Variants in HDAC2 observed in about 807,000 individuals in gnomAD.
HDAC2 encodes histone deacetylase 2, also known as YY1-associated factor 1.
Under a neutral mutation model 68.5 loss-of-function variants are expected in HDAC2, and 5 were observed. The observed-to-expected ratio is 0.07, with a 90% CI of 0.04 to 0.15. The LOEUF (loss-of-function observed/expected upper bound fraction) is 0.15. Ranked by LOEUF, HDAC2 falls within the 10% of genes least tolerant of loss-of-function variation. The pLI is 1.00. For synonymous variants in HDAC2, 182 were observed against 191.3 expected, an observed-to-expected ratio of 0.95 and a Z score of 0.40; for missense variants, 291 against 600.8, an observed-to-expected ratio of 0.48 and a Z score of 5.39.
intron 5 of HDAC2, among the ~76,000 whole-genome samples, chr6:113,954,598 C>A (rs1047695865): frequency 6.6e-5 from 10 of 152,184 alleles, no homozygotes; most frequent in Non-Finnish European, 1.3e-4. Context: ...GACACTGGAA[C>A]CAACATCAAC....
In HDAC2 at chr6:113,938,119, C is replaced by T. The variant is rs1318150341; in HGVS notation, c.*2939G>A. On this transcript the variant is annotated 3_prime_UTR_variant, in exon 14 of 14. Transcript: ENST00000519065. ...CCGAGATTGCGCCATTGCACACCAG[C>T]CTGGGCAACAGCGAGACTCCGTCTC... is the stretch of plus-strand genomic sequence containing the variant. The T allele has an allele frequency of 2.6e-5, 4 of 152,166 alleles. No homozygotes were observed. The highest frequency in any genetic ancestry group is 5.9e-5 in the Non-Finnish European group (4 of 68,064). 9.4% of individuals were successfully genotyped at this position (152,166 alleles called of 1,614,324 possible). A position where few individuals can be genotyped will look rare whatever the true frequency, so the allele number is the denominator to read the frequency against.
chr6:113,955,712 T>C (rs537187068), intron 5 of HDAC2, among the ~76,000 whole-genome samples: 4 of 152,116 alleles, frequency 2.6e-5, no homozygotes, highest in South Asian at 4.2e-4. Context: ...GGTTTTGCCA[T>C]GTTGCCTAGC....
At chr6:113,943,545 C>T in intron 11 of HDAC2, 39 bp from the exon 12 acceptor site, 1 of 1,537,558 alleles carries the variant, frequency 6.5e-7, no homozygotes, top group Admixed American at 2.0e-5. Flanking sequence ...CAAAAACAGT[C>T]ACAGGTTTTA....
Position 113,971,059 on chromosome 6 carries a change from AG to A in HDAC2, c.-152del, listed in dbSNP as rs1425308195. On this transcript the variant is annotated 5_prime_UTR_variant, in exon 1 of 14. Transcript: ENST00000519065. Reference sequence around the variant, plus strand: ...AAGGGCAGGCCGGTGGGAGGAGAGGAGGGGGCGCCGGGAAGGCTCGGTACCA... The same window carrying A: ...AAGGGCAGGCCGGTGGGAGGAGAGGAGGGGCGCCGGGAAGGCTCGGTACCA... The A allele has an allele frequency of 1.3e-6, 2 of 1,559,994 alleles. No homozygotes were observed. The highest frequency in any genetic ancestry group is 4.7e-5 in the East Asian group (2 of 42,268).
At chr6:113,965,484 T>G (rs1348538254) in intron 1 of HDAC2, among the ~76,000 whole-genome samples, 1 of 152,120 alleles carries the variant, frequency 6.6e-6, no homozygotes, top group Admixed American at 6.5e-5. Context: ...TTCTCCTGCC[T>G]CAGCCTCCCA....
chr6:113,960,085 T>C, intron 1 of HDAC2, 67 bp from the exon 2 acceptor site: 1 of 803,868 alleles, frequency 1.2e-6, no homozygotes, highest in Non-Finnish European at 2.2e-6. Context: ...TTTGAATTTA[T>C]GTATGTCTAT....
chr6:113,949,378 A>T, intron 6 of HDAC2, 118 bp from the exon 7 acceptor site: 1 of 660,610 alleles, frequency 1.5e-6, no homozygotes, highest in Non-Finnish European at 2.7e-6. Flanking sequence ...TTTTGAATTC[A>T]TCTTAGAAGT....
chr6:113,957,438 C>G (rs1185270822), intron 3 of HDAC2, among the ~76,000 whole-genome samples: 3 of 151,782 alleles, frequency 2.0e-5, no homozygotes, highest in East Asian at 3.9e-4. Flanking sequence ...GTCACAAGCA[C>G]TATAAGAAAT....
At chr6:113,950,600 T>C (rs975465421) in intron 6 of HDAC2, among the ~76,000 whole-genome samples, 1 of 150,346 alleles carries the variant, frequency 6.7e-6, no homozygotes, top group Non-Finnish European at 1.5e-5. Context: ...TTCACCATAT[T>C]GGTCAGGCTG....
rs1776097996 is a variant in HDAC2, at chr6:113,940,135, T to G, written c.*923A>C. Reference sequence around the variant, plus strand: ...AGCTCTGAGTGAAAGCATTTTTCCATTATATTCAGTTACACTCCTACAGTC... The same window carrying G: ...AGCTCTGAGTGAAAGCATTTTTCCAGTATATTCAGTTACACTCCTACAGTC... On this transcript the variant is annotated 3_prime_UTR_variant, in exon 14 of 14. Transcript: ENST00000519065. The G allele has an allele frequency of 6.6e-6, 1 of 152,186 alleles. No individual in the cohort carries two copies. The highest frequency in any genetic ancestry group is 2.4e-5 in the African/African-American group (1 of 41,444). The allele number at this position is 152,186 out of a possible 1,614,324, so 9.4% of individuals were successfully genotyped here. A position where few individuals can be genotyped will look rare whatever the true frequency, so the allele number is the denominator to read the frequency against.
chr6:113,937,932 G>T lies in HDAC2; in HGVS notation c.*3126C>A, dbSNP rs910371253. On this transcript the variant is annotated 3_prime_UTR_variant, in exon 14 of 14. Coordinates refer to ENST00000519065, the MANE Select transcript of HDAC2 (RefSeq NM_001527.4). ...GAAGGCCAAGGTGGGTGGATCATGA[G>T]GTCAGGAGTTCGAGGCCAGCCTGGC... 6.6e-6 allele frequency: 1 copy of T among 152,212 alleles called. No individual in the cohort carries two copies. The highest frequency in any genetic ancestry group is 2.4e-5 in the African/African-American group (1 of 41,450). The allele number at this position is 152,212 out of a possible 1,614,324, so 9.4% of individuals were successfully genotyped here.
At chr6:113,945,270 AG>A in intron 10 of HDAC2, 91 bp downstream of exon 10, 1 of 547,416 alleles carries the variant, frequency 1.8e-6, no homozygotes, top group Non-Finnish European at 3.3e-6. Flanking sequence ...TATCTAATAA[AG>A]TTAAAAAGAC....
In HDAC2 at chr6:113,937,425, G is replaced by T. The variant is rs1445083399; in HGVS notation, c.*3633C>A. On this transcript the variant is annotated 3_prime_UTR_variant, in exon 14 of 14. Coordinates refer to ENST00000519065, the MANE Select transcript of HDAC2 (RefSeq NM_001527.4). ...AGCTTAGAGTACCAATGCTGACTTA[G>T]AACAGCATTCACCCATGCCATAGAG... The T allele has an allele frequency of 6.6e-6, 1 of 152,178 alleles. No homozygotes were observed. The highest frequency in any genetic ancestry group is 1.5e-5 in the Non-Finnish European group (1 of 68,026). The allele number at this position is 152,178 out of a possible 1,614,324, so 9.4% of individuals were successfully genotyped here.
chr6:113,949,469 A>G, intron 6 of HDAC2: 1 of 556,180 alleles, frequency 1.8e-6, no homozygotes, highest in Non-Finnish European at 3.2e-6. Flanking sequence ...GACTGCTTGT[A>G]AAGCATACAA....
chr6:113,953,166 G>A, intron 6 of HDAC2, 111 bp downstream of exon 6: 1 of 747,468 alleles, frequency 1.3e-6, no homozygotes, highest in South Asian at 2.2e-5. Flanking sequence ...ATTCAATTCT[G>A]CATACAAGTT....
At chr6:113,942,115 T>C (rs1001237481) in intron 12 of HDAC2, among the ~76,000 whole-genome samples, 4 of 152,090 alleles carry the variant, frequency 2.6e-5, no homozygotes, top group African/African-American at 9.7e-5. Context: ...ATAGAGAGTT[T>C]ATTTTTTAAG....
At chr6:113,962,593 C>T (rs886525116) in intron 1 of HDAC2, among the ~76,000 whole-genome samples, 7 of 152,074 alleles carry the variant, frequency 4.6e-5, no homozygotes, top group Non-Finnish European at 7.4e-5. Context: ...GACCCCAGTC[C>T]CACAAAGAAT....
chr6:113,951,984 T>G (rs561520507), intron 6 of HDAC2, among the ~76,000 whole-genome samples: 1 of 152,350 alleles, frequency 6.6e-6, no homozygotes, highest in Non-Finnish European at 1.5e-5. Flanking sequence ...AAAGATACTG[T>G]CTTATTCTTT....
intron 1 of HDAC2, among the ~76,000 whole-genome samples, chr6:113,966,815 G>A (rs979350793): frequency 6.6e-6 from 1 of 152,024 alleles, no homozygotes; most frequent in Non-Finnish European, 1.5e-5. Context: ...GAAAAGAGAG[G>A]CAAAAGATTT....
Sources: gnomAD v4.1 joint callset for allele counts (sites outside exome capture counted in the v4.1 genomes callset) on GRCh38, gnomAD v4.1.1 for gene constraint, MANE v1.5 for transcripts, NCBI Gene and HGNC (gene_info 2026-07-23, HGNC 2026-07-21) for gene names.